LARP4B: variants seen among roughly 807,000 people sequenced by gnomAD.
LARP4B encodes La ribonucleoprotein 4B.
Under a neutral mutation model 89.8 loss-of-function variants are expected in LARP4B, and 12 were observed. That is an observed-to-expected ratio of 0.13 (90% CI 0.09 to 0.22). LARP4B has a LOEUF of 0.22. Ranked by LOEUF, LARP4B falls within the 10% of genes least tolerant of loss-of-function variation. LARP4B has a pLI of 1.00. For synonymous variants in LARP4B, 367 were observed against 363.3 expected (o/e 1.01, Z -0.12); for missense variants, 757 against 947.7 (o/e 0.80, Z 2.64).
In LARP4B at chr10:814,797, G is replaced by A; in HGVS notation, c.1874C>T (p.Pro625Leu). ...QRETHSVDRL[P>L]SALTATACKS... ...ACACGCGGTCGCAGTGAGGGCGGAA[G>A]GAAGTCTGTCCACACTGTGGGTTTC... Residue 625 changes from proline (P) to leucine (L), a missense_variant, in exon 17 of 18, where the codon CCT becomes CTT. Around this residue, in one of 5 missense-constraint regions of LARP4B, gnomAD observed 387 missense variants for 423.6 expected, o/e 0.91. Coordinates refer to ENST00000316157, the MANE Select transcript of LARP4B (RefSeq NM_015155.3). This position sits in a 1 kb window ranked among gnomAD's most constrained non-coding sequence, Gnocchi z 4.4. The A allele has an allele frequency of 1.2e-6, 2 of 1,605,868 alleles. No homozygotes were observed. Among genetic ancestry groups the A allele is most frequent in the Non-Finnish European group, 8.5e-7 (1 of 1,174,462 alleles).
In LARP4B at chr10:817,907, C is replaced by A. The variant is rs777054076; in HGVS notation, c.1531-18G>T. 1.2e-6 allele frequency: 2 copies of A among 1,607,968 alleles called. No individual in the cohort carries two copies. Among genetic ancestry groups the A allele is most frequent in the South Asian group, 2.2e-5 (2 of 90,662 alleles). On this transcript the variant is annotated intron_variant, in intron 14 of 17. Coordinates refer to ENST00000316157, the MANE Select transcript of LARP4B (RefSeq NM_015155.3). ...TGGCTGCTCTGCAACAGAATGACACCCCAGGGTCACGGTATGGAGAGAGAA... is the reference window on the plus strand; with the variant it reads ...TGGCTGCTCTGCAACAGAATGACACACCAGGGTCACGGTATGGAGAGAGAA...
chr10:928,420 G>A (rs887291167), intron 1 of LARP4B, among the ~76,000 whole-genome samples: 1 of 152,136 alleles, frequency 6.6e-6, no homozygotes, highest in Admixed American at 6.5e-5. Context: ...ATTTTAACAT[G>A]ACAATGAAAT....
At chr10:838,166 T>C (rs112174435) in intron 7 of LARP4B, among the ~76,000 whole-genome samples, 3 of 152,104 alleles carry the variant, frequency 2.0e-5, no homozygotes, top group African/African-American at 7.2e-5. Context: ...TGGACCTAAG[T>C]GTAAAATGCA....
At chr10:956,422 T>C in the LARP4B span, among the ~76,000 whole-genome samples, 1 of 151,870 alleles carries the variant, frequency 6.6e-6, no homozygotes, top group African/African-American at 2.4e-5. This position sits in a 1 kb window ranked among gnomAD's most constrained non-coding sequence, Gnocchi z 4.3. Context: ...CTCGGCTCAC[T>C]GCAAGGTCTG....
chr10:866,886 G>A (rs11253480), intron 3 of LARP4B, among the ~76,000 whole-genome samples: 35,951 of 152,112 alleles, frequency 0.24, 4,632 homozygotes, highest in South Asian at 0.4. Flanking sequence ...TGGGGCTCCC[G>A]TGGCCCTCGT....
the LARP4B span, among the ~76,000 whole-genome samples, chr10:963,471 G>T: frequency 3.9e-5 from 6 of 152,230 alleles, no homozygotes; most frequent in African/African-American, 1.4e-4. Flanking sequence ...ACAGGGCTGG[G>T]CATTTGCGTG....
Position 913,211 on chromosome 10 carries a change from T to G in LARP4B, c.-40+18217A>C, listed in dbSNP as rs550732601. Among the ~76,000 whole-genome samples, 6 of 152,254 alleles carry G rather than the reference T, an allele frequency of 3.9e-5. No individual in the cohort carries two copies. In the East Asian group the frequency reaches 1.2e-3, roughly 29 times the overall value. On this transcript the variant is annotated intron_variant, in intron 1 of 17. Coordinates refer to ENST00000316157, the MANE Select transcript of LARP4B (RefSeq NM_015155.3). ...TGTTTAGGGGAGTGGAACAGATAATTAAGAGACTGATAGTCTAAAGGAGGG... is the reference window on the plus strand; with the variant it reads ...TGTTTAGGGGAGTGGAACAGATAATGAAGAGACTGATAGTCTAAAGGAGGG...
chr10:940,555 C>T, the LARP4B span, among the ~76,000 whole-genome samples: 5 of 152,356 alleles, frequency 3.3e-5, no homozygotes, highest in East Asian at 7.7e-4. Context: ...CCAGAGGAGG[C>T]CCCAGTGCCT....
intron 11 of LARP4B, among the ~76,000 whole-genome samples, chr10:827,677 G>A (rs1172004828): frequency 1.3e-5 from 2 of 152,048 alleles, no homozygotes; most frequent in Non-Finnish European, 2.9e-5. Context: ...GAACCCCAAG[G>A]ATCCCCGAGA....
chr10:839,530 A>G (rs561251601), intron 7 of LARP4B, among the ~76,000 whole-genome samples: 41 of 152,274 alleles, frequency 2.7e-4, no homozygotes, highest in Admixed American at 5.2e-4. Flanking sequence ...GAAGGCAAAT[A>G]AGCTCATTTA....
the LARP4B span, among the ~76,000 whole-genome samples, chr10:984,064 C>T: frequency 3.0e-4 from 46 of 152,202 alleles, no homozygotes; most frequent in Non-Finnish European, 5.3e-4. Flanking sequence ...TTTCCTTGTG[C>T]AGACCTTCAA....
intron 1 of LARP4B, among the ~76,000 whole-genome samples, chr10:899,718 A>T (rs1042467974): frequency 1.3e-5 from 2 of 152,252 alleles, no homozygotes; most frequent in African/African-American, 4.8e-5. Flanking sequence ...GGACAGCACA[A>T]GATGCTCCTA....
At chr10:844,392 C>T (rs1393375573) in intron 6 of LARP4B, among the ~76,000 whole-genome samples, 1 of 152,204 alleles carries the variant, frequency 6.6e-6, no homozygotes, top group African/African-American at 2.4e-5. Flanking sequence ...CTTCAAGGAG[C>T]CCCTAGCAGA....
chr10:873,365 G>C (rs1173981548), intron 3 of LARP4B: 1 of 985,240 alleles, frequency 1.0e-6, no homozygotes, highest in Non-Finnish European at 1.2e-6. Flanking sequence ...TTCCAAACAG[G>C]ACCAGGATCC....
intron 5 of LARP4B, among the ~76,000 whole-genome samples, chr10:859,803 C>A (rs1335309902): frequency 6.6e-6 from 1 of 151,880 alleles, no homozygotes; most frequent in East Asian, 1.9e-4. Flanking sequence ...AGGATTCCAA[C>A]CCTATGACAT....
At chr10:950,112 C>G in the LARP4B span, among the ~76,000 whole-genome samples, 1 of 151,852 alleles carries the variant, frequency 6.6e-6, no homozygotes, top group Non-Finnish European at 1.5e-5. Context: ...TTTGAGAGTT[C>G]TTTGTATATT....
intron 5 of LARP4B, among the ~76,000 whole-genome samples, chr10:857,886 T>C (rs1251713314): frequency 6.6e-6 from 1 of 152,164 alleles, no homozygotes; most frequent in Non-Finnish European, 1.5e-5. Context: ...ATTAGAATTG[T>C]AAATTTAAAA....
At chr10:980,675 C>G in the LARP4B span, among the ~76,000 whole-genome samples, 1 of 152,200 alleles carries the variant, frequency 6.6e-6, no homozygotes. Flanking sequence ...CTGTGCAGGG[C>G]AATGGATACC....
chr10:981,707 T>A, the LARP4B span, among the ~76,000 whole-genome samples: 4 of 152,136 alleles, frequency 2.6e-5, no homozygotes, highest in Non-Finnish European at 5.9e-5. Context: ...ATAGCTGGGA[T>A]TACAGGCGCC....
Sources: allele counts gnomAD v4.1 joint callset (sites outside exome capture counted in the v4.1 genomes callset), GRCh38; gene constraint gnomAD v4.1.1; regional missense constraint gnomAD v4.1.1; non-coding constraint Gnocchi (gnomAD v3.1); transcripts MANE v1.5; gene names NCBI Gene and HGNC (gene_info 2026-07-23, HGNC 2026-07-21).